Variants in AMTN observed in about 807,000 individuals in gnomAD.
The protein encoded by AMTN is RSTI689.
In AMTN, 29 loss-of-function variants were observed where a neutral mutation model predicts 27.4. The observed-to-expected ratio is 1.06, with a 90% CI of 0.79 to 1.44. The LOEUF is 1.44. Ranked by LOEUF, AMTN falls within the 40% of genes most tolerant of loss-of-function variation. The pLI, the probability that AMTN is intolerant of heterozygous loss-of-function variation, is 0.00. For synonymous variants in AMTN, 86 were observed against 95.7 expected (o/e 0.90, Z 0.59); for missense variants, 247 against 248.8 (o/e 0.99, Z 0.05).
intron 4 of AMTN, 67 bp downstream of exon 4, chr4:70,524,000 G>T: frequency 7.4e-7 from 1 of 1,347,022 alleles, no homozygotes. Flanking sequence ...TATTACAGTG[G>T]GGGGAGCATG....
intron 8 of AMTN, among the ~76,000 whole-genome samples, chr4:70,531,819 C>G (rs897212832): frequency 6.6e-6 from 1 of 152,034 alleles, no homozygotes; most frequent in African/African-American, 2.4e-5. Flanking sequence ...ACCATACAAG[C>G]TAATTTTTGT....
At chr4:70,525,343 G>A (rs28429771) in intron 5 of AMTN, among the ~76,000 whole-genome samples, 3,206 of 152,208 alleles carry the variant, frequency 0.021, 112 homozygotes, top group African/African-American at 0.072. Flanking sequence ...AAAATTAAGA[G>A]GTGGATAAAG....
At chr4:70,521,042 C>A (rs901823606) in intron 2 of AMTN, among the ~76,000 whole-genome samples, 11 of 152,010 alleles carry the variant, frequency 7.2e-5, no homozygotes, top group Admixed American at 2.6e-4. Context: ...GGCCCAGAGC[C>A]CTGTAGACCA....
intron 7 of AMTN, 50 bp downstream of exon 7, chr4:70,529,260 T>C: frequency 7.2e-7 from 1 of 1,387,404 alleles, no homozygotes; most frequent in Non-Finnish European, 9.7e-7. Context: ...TCTATCACAA[T>C]GTTTTCTGTC....
intron 4 of AMTN, among the ~76,000 whole-genome samples, chr4:70,524,637 C>A (rs1736055836): frequency 7.1e-6 from 1 of 141,264 alleles, no homozygotes; most frequent in Non-Finnish European, 1.6e-5. Flanking sequence ...AGGTTAAATG[C>A]CAAAGAAAAA....
At chr4:70,518,888 C>T (rs1735880824) in intron 2 of AMTN, 57 bp downstream of exon 2, 9 of 1,361,404 alleles carry the variant, frequency 6.6e-6, no homozygotes, top group Non-Finnish European at 9.5e-6. Flanking sequence ...TCTCTAGCTG[C>T]AGACCTACCT....
In AMTN at chr4:70,521,640, C is replaced by CTTTTTTTTTTTTTTTTTTTTTTTTT. The variant is rs763143860; in HGVS notation, c.55-1103_55-1079dup. On this transcript the variant is annotated intron_variant, in intron 2 of 8. Coordinates refer to ENST00000339336, the MANE Select transcript of AMTN (RefSeq NM_212557.4). The stretch of plus-strand genomic sequence containing the variant: ...CCTAGAACAGATAATACCAACCTCT[C>CTTTTTTTTTTTTTTTTTTTTTTTTT]TTTTTTTTTTTTTTTTTTTTTTTTT... Among the ~76,000 whole-genome samples, 4 of 76,468 alleles carry CTTTTTTTTTTTTTTTTTTTTTTTTT rather than the reference C, an allele frequency of 5.2e-5. 2 individuals carry two copies. Among genetic ancestry groups the CTTTTTTTTTTTTTTTTTTTTTTTTT allele is most frequent in the Non-Finnish European group, 9.1e-5 (4 of 43,846 alleles). 50.2% of individuals were successfully genotyped at this position (76,468 alleles called of 152,430 possible).
At chr4:70,523,724 G>A (rs1408843575) in intron 3 of AMTN, 144 bp from the exon 4 acceptor site, 6 of 674,940 alleles carry the variant, frequency 8.9e-6, no homozygotes, top group Non-Finnish European at 1.6e-5. Flanking sequence ...ATGCTAGTGA[G>A]AGGCCCCGAG....
Position 70,532,671 on chromosome 4 carries a change from A to C in AMTN, c.*206A>C, listed in dbSNP as rs1289722055. The C allele has an allele frequency of 4.0e-6, 2 of 502,142 alleles. No individual in the cohort carries two copies. Among genetic ancestry groups the C allele is most frequent in the Non-Finnish European group, 7.0e-6 (2 of 284,696 alleles). 31.1% of individuals were successfully genotyped at this position (502,142 alleles called of 1,614,324 possible). On this transcript the variant is annotated 3_prime_UTR_variant, in exon 9 of 9. Coordinates refer to ENST00000339336, the MANE Select transcript of AMTN (RefSeq NM_212557.4). ...ACTTTTAAAAACAATAATTCAATGG[A>C]TAAATCTGTCTTTGAAATATAACAT...
chr4:70,530,643 G>A (rs138509704), intron 7 of AMTN, among the ~76,000 whole-genome samples: 7 of 152,216 alleles, frequency 4.6e-5, no homozygotes, highest in Non-Finnish European at 1.0e-4. Flanking sequence ...CAGGATAAAT[G>A]TTTCTAACTA....
At position 70,532,535 on chromosome 4, in the gene AMTN, T is replaced by C; in HGVS notation, c.*70T>C. The C allele has an allele frequency of 7.4e-7, 1 of 1,356,918 alleles. No homozygotes were observed. Among genetic ancestry groups the C allele is most frequent in the African/African-American group, 1.4e-5 (1 of 69,016 alleles). 84.1% of individuals were successfully genotyped at this position (1,356,918 alleles called of 1,614,324 possible). On this transcript the variant is annotated 3_prime_UTR_variant, in exon 9 of 9. Transcript: ENST00000339336. ...ACATGTGAATCTTTATCATTGATTA[T>C]ATTATGGAATAGATTGAGACACATT...
chr4:70,519,240 T>C (rs1178907076), intron 2 of AMTN, among the ~76,000 whole-genome samples: 3 of 152,220 alleles, frequency 2.0e-5, no homozygotes, highest in Non-Finnish European at 4.4e-5. Flanking sequence ...ATCTAGATTG[T>C]ATAAATTCTA....
In AMTN at chr4:70,528,757, A is replaced by G. The variant is rs773204491; in HGVS notation, c.329A>G (p.Gln110Arg). The change falls in exon 6 of 9, where the codon CAG (glutamine) becomes CGG (arginine). Residue 110 changes from glutamine to arginine, a missense_variant and splice_region_variant. Transcript: ENST00000339336. ...ATTTTTGTCACACAACTTGGAGCCC[A>G]GGTAAAAATTATGCTTAATATTGTC... ...LPIFVTQLGA[Q>R]GTILSSEELP... 2 of 1,593,642 alleles carry G rather than the reference A, an allele frequency of 1.3e-6. No individual in the cohort carries two copies. Among genetic ancestry groups the G allele is most frequent in the Non-Finnish European group, 8.5e-7 (1 of 1,173,354 alleles).
At chr4:70,525,907 AAG>A (rs1736091878) in intron 5 of AMTN, among the ~76,000 whole-genome samples, 1 of 152,064 alleles carries the variant, frequency 6.6e-6, no homozygotes, top group Non-Finnish European at 1.5e-5. Context: ...CTCAAAAAAA[AAG>A]AGAAGGAAAA....
intron 8 of AMTN, 108 bp downstream of exon 8, chr4:70,531,408 T>C: frequency 1.4e-6 from 2 of 1,429,228 alleles, no homozygotes; most frequent in African/African-American, 1.4e-5. Context: ...TTAGTAAGAT[T>C]AGGAAGCCCC....
intron 6 of AMTN, 135 bp downstream of exon 6, chr4:70,528,893 G>A (rs1736155760): frequency 2.7e-6 from 2 of 752,756 alleles, no homozygotes; most frequent in African/African-American, 1.8e-5. Flanking sequence ...AATCACAAGA[G>A]CTTGCTTTCT....
Position 70,522,751 on chromosome 4 carries a change from A to G in AMTN, c.55-4A>G. 1 of 1,613,938 alleles carries G rather than the reference A, an allele frequency of 6.2e-7. No individual in the cohort carries two copies. The highest frequency in any genetic ancestry group is 8.5e-7 in the Non-Finnish European group (1 of 1,179,826). On this transcript the variant is annotated splice_region_variant and splice_polypyrimidine_tract_variant and intron_variant, in intron 2 of 8. Transcript: ENST00000339336. ...CATCAAATATGTATTTGTTTTCACA[A>G]AAGCAGCTCAAACCTGCTTTGGGAC...
intron 2 of AMTN, among the ~76,000 whole-genome samples, chr4:70,520,057 C>CCGAA (rs1735918831): frequency 8.9e-6 from 1 of 111,880 alleles, no homozygotes; most frequent in African/African-American, 3.7e-5. Context: ...AATACATTGA[C>CCGAA]CGAAAGATTC....
At chr4:70,522,157 A>G (rs2109769842) in intron 2 of AMTN, among the ~76,000 whole-genome samples, 1 of 152,174 alleles carries the variant, frequency 6.6e-6, no homozygotes, top group South Asian at 2.1e-4. Context: ...TCACCATGTC[A>G]CCTTGGGCAA....
Sources: allele counts gnomAD v4.1 joint callset (sites outside exome capture counted in the v4.1 genomes callset), GRCh38; gene constraint gnomAD v4.1.1; transcripts MANE v1.5; gene names NCBI Gene and HGNC (gene_info 2026-07-23, HGNC 2026-07-21).